The following KARS1 variants were observed in gnomAD, a reference collection of about 807,000 sequenced individuals.
The protein encoded by KARS1 is lysyl-tRNA synthetase 1, also known as lysine--tRNA ligase.
A neutral mutation model predicts 63.9 loss-of-function variants in KARS1; 50 were observed. The ratio of observed to expected loss-of-function variants is 0.78; its 90% CI spans 0.62 to 0.99. The LOEUF (loss-of-function observed/expected upper bound fraction) is 0.99. Ranked by LOEUF, KARS1 falls within the 50% of genes least tolerant of loss-of-function variation. The pLI, the probability that KARS1 is intolerant of heterozygous loss-of-function variation, is 0.00. For synonymous variants in KARS1, 320 were observed against 264.6 expected (o/e 1.21, Z -2.03); for missense variants, 816 against 754.5 (o/e 1.08, Z -0.95).
chr16:75,628,746 C>G, intron 12 of KARS1, 34 bp from the exon 13 acceptor site: 1 of 1,612,934 alleles, frequency 6.2e-7, no homozygotes, highest in Non-Finnish European at 8.5e-7. Context: ...AGGTGACCTT[C>G]TTCTAAGATA....
chr16:75,633,799 G>A (rs1325320101), intron 7 of KARS1, among the ~76,000 whole-genome samples: 1 of 152,262 alleles, frequency 6.6e-6, no homozygotes, highest in Admixed American at 6.5e-5. Context: ...TTACAGGTGT[G>A]AGGCCCGCGC....
At chr16:75,630,060 CAT>C (rs2082094674) in intron 11 of KARS1, among the ~76,000 whole-genome samples, 1 of 152,172 alleles carries the variant, frequency 6.6e-6, no homozygotes, top group Non-Finnish European at 1.5e-5. Context: ...GCGCTGGCAA[CAT>C]GTCTTGGTTT....
intron 7 of KARS1, 160 bp downstream of exon 7, chr16:75,634,012 AT>A: frequency 8.9e-6 from 7 of 789,394 alleles, no homozygotes; most frequent in Admixed American, 5.2e-5. Context: ...TTGTAGAGAA[AT>A]TCTGGAAGTG....
chr16:75,645,528 A>T (rs1205230076), intron 1 of KARS1, among the ~76,000 whole-genome samples: 1 of 152,240 alleles, frequency 6.6e-6, no homozygotes, highest in Non-Finnish European at 1.5e-5. Flanking sequence ...CTGGTCAAAA[A>T]AGTAGTAGCT....
At chr16:75,643,177 G>A (rs1194563353) in intron 1 of KARS1, among the ~76,000 whole-genome samples, 1 of 152,152 alleles carries the variant, frequency 6.6e-6, no homozygotes, top group Non-Finnish European at 1.5e-5. Flanking sequence ...TTGGTGTAGG[G>A]AGGGATATCT....
Position 75,642,185 on chromosome 16 carries a change from C to CTTTTTTTTT in KARS1, c.63-471_63-463dup, listed in dbSNP as rs148991591. Reference sequence around the variant, plus strand: ...AGGTGAAGTTCCAACAGTGCCAGGTCTTTTTTTTTTTTTTTTTTTTTTTTT... The same window carrying CTTTTTTTTT: ...AGGTGAAGTTCCAACAGTGCCAGGTCTTTTTTTTTTTTTTTTTTTTTTTTTTTTTTTTTT... On this transcript the variant is annotated intron_variant, in intron 1 of 13. Transcript: ENST00000302445. Among the ~76,000 whole-genome samples, 10 of 63,200 alleles carry CTTTTTTTTT rather than the reference C, an allele frequency of 1.6e-4. 1 individual carries two copies. Among genetic ancestry groups the CTTTTTTTTT allele is most frequent in the East Asian group, 9.9e-4 (1 of 1,010 alleles). The allele number at this position is 63,200 out of a possible 152,430, so 41.5% of individuals were successfully genotyped here. A position where few individuals can be genotyped will look rare whatever the true frequency, so the allele number is the denominator to read the frequency against.
chr16:75,629,450 T>C lies in KARS1; in HGVS notation c.1516A>G (p.Met506Val). The change falls in exon 12 of 14, where the codon ATG becomes GTG. Residue 506 changes from methionine to valine, a missense_variant. By Grantham distance (21) the Met-to-Val change is conservative (BLOSUM62 1). Transcript: ENST00000302445. Reference protein sequence around the residue: ...CNAYTELNDPMRQRQLFEEQA... With the variant: ...CNAYTELNDPVRQRQLFEEQA... ...TCTTCAAAAAGCTGCCGCTGCCGCA[T>C]GGGATCATTCAGCTCAGTATACGCA... The C allele has an allele frequency of 1.9e-6, 3 of 1,614,228 alleles. No individual in the cohort carries two copies. The highest frequency in any genetic ancestry group is 8.5e-7 in the Non-Finnish European group (1 of 1,180,020).
chr16:75,634,111 T>G, intron 7 of KARS1, 62 bp downstream of exon 7: 1 of 1,566,946 alleles, frequency 6.4e-7, no homozygotes, highest in Non-Finnish European at 8.8e-7. Context: ...TATACCCATC[T>G]AGCCAGTGGT....
At chr16:75,633,183 GGAGT>G (rs1176182776) in intron 7 of KARS1, among the ~76,000 whole-genome samples, 2 of 152,192 alleles carry the variant, frequency 1.3e-5, no homozygotes, top group Non-Finnish European at 2.9e-5. Flanking sequence ...ATAAATGCCT[GGAGT>G]GAGAGCTGCT....
chr16:75,628,798 G>GAGTA, intron 12 of KARS1, 86 bp from the exon 13 acceptor site: 1 of 1,399,936 alleles, frequency 7.1e-7, no homozygotes, highest in Non-Finnish European at 1.0e-6. Context: ...TCCGAGGTGG[G>GAGTA]AGTACCATCA....
In KARS1 at chr16:75,628,570, T is replaced by C. The variant is rs772849634; in HGVS notation, c.1694A>G (p.Lys565Arg). Residue 565 changes from lysine (K) to arginine (R), a missense_variant and splice_region_variant, in exon 13 of 14, where the codon AAG becomes AGG. Coordinates refer to ENST00000302445, the MANE Select transcript of KARS1 (RefSeq NM_005548.3). ...GCTCTGTGGAGGGTTGCTACGTACC[T>C]TGATGTTGTTGGAGTCCGTGAGAAA... Reference protein sequence around the residue: ...AMFLTDSNNIKEVLLFPAMKP... With the variant: ...AMFLTDSNNIREVLLFPAMKP... 8 of 1,613,622 alleles carry C rather than the reference T, an allele frequency of 5.0e-6. No individual in the cohort carries two copies. Among genetic ancestry groups the C allele is most frequent in the Admixed American group, 1.7e-5 (1 of 60,006 alleles).
intron 3 of KARS1, among the ~76,000 whole-genome samples, chr16:75,638,891 G>A (rs764779754): frequency 6.6e-6 from 1 of 152,204 alleles, no homozygotes; most frequent in Non-Finnish European, 1.5e-5. Context: ...AGATCTGCTG[G>A]GAGCAGCGGC....
intron 1 of KARS1, chr16:75,644,397 C>T: frequency 6.2e-7 from 1 of 1,612,554 alleles, no homozygotes; most frequent in Middle Eastern, 1.6e-4. Flanking sequence ...CAGGGACCCC[C>T]TAACAAGCCT....
At position 75,631,725 on chromosome 16, in the gene KARS1, T is replaced by C; in HGVS notation, c.1046A>G (p.Asp349Gly). ...CATCTTCTCCGTGATTTCCATGAGATCGTGATAGTCTGCATAGGCCATGTA... is the reference window on the plus strand; with the variant it reads ...CATCTTCTCCGTGATTTCCATGAGACCGTGATAGTCTGCATAGGCCATGTA... ...EFYMAYADYH[D>G]LMEITEKMVS... The change falls in exon 8 of 14, where the codon GAT (aspartate) becomes GGT (glycine). Residue 349 changes from aspartate (D) to glycine (G), a missense_variant. Transcript: ENST00000302445. 6.2e-7 allele frequency: 1 copy of C among 1,614,150 alleles called. No individual in the cohort carries two copies. Among genetic ancestry groups the C allele is most frequent in the Non-Finnish European group, 8.5e-7 (1 of 1,180,030 alleles).
intron 1 of KARS1, 72 bp downstream of exon 1, chr16:75,647,506 G>T: frequency 7.1e-7 from 1 of 1,407,300 alleles, no homozygotes; most frequent in East Asian, 2.4e-5. Context: ...CAGCCTTGGT[G>T]GGAACCTCGC....
chr16:75,630,555 T>C (rs2082100573), intron 10 of KARS1, 47 bp from the exon 11 acceptor site: 6 of 1,220,444 alleles, frequency 4.9e-6, no homozygotes, highest in Non-Finnish European at 3.6e-6. Context: ...CTGAATAGTA[T>C]TTGATCGTCC....
intron 2 of KARS1, 48 bp from the exon 3 acceptor site, chr16:75,640,397 A>G (rs1172863393): frequency 1.9e-6 from 3 of 1,591,732 alleles, no homozygotes; most frequent in East Asian, 2.2e-5. Flanking sequence ...GAACCTGGTC[A>G]GACCAGTGGG....
chr16:75,633,463 T>G (rs2082132544), intron 7 of KARS1, among the ~76,000 whole-genome samples: 1 of 152,112 alleles, frequency 6.6e-6, no homozygotes, highest in Admixed American at 6.5e-5. Flanking sequence ...ATAATAATCT[T>G]CAATATTTAC....
At chr16:75,645,931 G>A (rs1213799949) in intron 1 of KARS1, among the ~76,000 whole-genome samples, 2 of 151,092 alleles carry the variant, frequency 1.3e-5, no homozygotes, top group South Asian at 2.1e-4. Context: ...ACTGGAAACC[G>A]TGCTTTCACC....
Sources: gnomAD v4.1 joint callset for allele counts (sites outside exome capture counted in the v4.1 genomes callset) on GRCh38, gnomAD v4.1.1 for gene constraint, MANE v1.5 for transcripts, NCBI Gene and HGNC (gene_info 2026-07-23, HGNC 2026-07-21) for gene names.